NIPAL2: variants seen among roughly 807,000 people sequenced by gnomAD.
NIPAL2 encodes NIPA-like protein 2.
Under a neutral mutation model 48.9 loss-of-function variants are expected in NIPAL2, and 43 were observed. That is an observed-to-expected ratio of 0.88 (90% CI 0.69 to 1.13). The LOEUF (loss-of-function observed/expected upper bound fraction) is 1.13. Ranked by LOEUF, NIPAL2 falls within the 50% of genes most tolerant of loss-of-function variation. NIPAL2 has a pLI of 0.00. For synonymous variants in NIPAL2, 167 were observed against 174.6 expected, an observed-to-expected ratio of 0.96 and a Z score of 0.34; for missense variants, 446 against 461.4, an observed-to-expected ratio of 0.97 and a Z score of 0.31.
chr8:98,218,164 A>G (rs563614816), intron 5 of NIPAL2, among the ~76,000 whole-genome samples: 3 of 152,342 alleles, frequency 2.0e-5, no homozygotes, highest in Non-Finnish European at 2.9e-5. Flanking sequence ...TTTAATATAC[A>G]AAGGATTTAA....
At chr8:98,232,689 A>G (rs986130201) in intron 4 of NIPAL2, among the ~76,000 whole-genome samples, 1 of 152,180 alleles carries the variant, frequency 6.6e-6, no homozygotes, top group Non-Finnish European at 1.5e-5. Context: ...TTAAAAAAGA[A>G]AAAAGAGAAA....
chr8:98,256,458 C>T (rs150383362), intron 1 of NIPAL2, among the ~76,000 whole-genome samples: 1 of 152,192 alleles, frequency 6.6e-6, no homozygotes, highest in Non-Finnish European at 1.5e-5. Context: ...AATTCAACAA[C>T]AAAAACATCC....
chr8:98,223,630 A>G (rs748635428), intron 4 of NIPAL2, among the ~76,000 whole-genome samples: 4 of 152,214 alleles, frequency 2.6e-5, no homozygotes, highest in Non-Finnish European at 4.4e-5. Context: ...TGTTCCTCGT[A>G]TGCAAATGAC....
intron 5 of NIPAL2, among the ~76,000 whole-genome samples, chr8:98,215,614 C>G (rs536631056): frequency 1.3e-5 from 2 of 152,306 alleles, no homozygotes; most frequent in African/African-American, 4.8e-5. Context: ...AACTGAGGCT[C>G]AGAGGGGCTA....
At chr8:98,255,223 T>C (rs1813815666) in intron 1 of NIPAL2, among the ~76,000 whole-genome samples, 1 of 152,352 alleles carries the variant, frequency 6.6e-6, no homozygotes, top group East Asian at 1.9e-4. Context: ...TTATCATAGA[T>C]AGCTCATGTA....
At chr8:98,200,832 T>G (rs1810763861) in intron 8 of NIPAL2, among the ~76,000 whole-genome samples, 1 of 152,226 alleles carries the variant, frequency 6.6e-6, no homozygotes, top group Non-Finnish European at 1.5e-5. Context: ...TGTGAGATTA[T>G]ATCTCATTGT....
chr8:98,240,689 A>G (rs957467663), intron 3 of NIPAL2, among the ~76,000 whole-genome samples: 2 of 152,218 alleles, frequency 1.3e-5, no homozygotes, highest in African/African-American at 2.4e-5. Flanking sequence ...GCTAAGGCTG[A>G]TTCATGAGAA....
chr8:98,271,884 G>A (rs1458317687), intron 1 of NIPAL2, among the ~76,000 whole-genome samples: 1 of 141,850 alleles, frequency 7.0e-6, no homozygotes, highest in African/African-American at 2.6e-5. Context: ...TTTGTTGAGA[G>A]TTTTTTTTTT....
intron 1 of NIPAL2, among the ~76,000 whole-genome samples, chr8:98,290,231 A>C (rs1308713348): frequency 1.3e-5 from 2 of 152,180 alleles, no homozygotes; most frequent in East Asian, 3.8e-4. Flanking sequence ...CAGTCTCCTC[A>C]CTGTCCTCCT....
chr8:98,282,908 T>G (rs1214735950), intron 1 of NIPAL2, among the ~76,000 whole-genome samples: 1 of 152,248 alleles, frequency 6.6e-6, no homozygotes, highest in African/African-American at 2.4e-5. Flanking sequence ...AGCAGATTTT[T>G]AATTTGTTAT....
intron 3 of NIPAL2, among the ~76,000 whole-genome samples, chr8:98,250,186 G>A (rs1434070133): frequency 1.3e-5 from 2 of 152,102 alleles, no homozygotes; most frequent in African/African-American, 4.8e-5. Context: ...AATTTCCCAA[G>A]CAACACTGCA....
chr8:98,292,162 A>T (rs1414230841), intron 1 of NIPAL2, among the ~76,000 whole-genome samples: 1 of 152,206 alleles, frequency 6.6e-6, no homozygotes, highest in East Asian at 1.9e-4. Context: ...TGATTGTGGG[A>T]GTGACACATT....
At chr8:98,203,670 T>C (rs1349069786) in intron 7 of NIPAL2, among the ~76,000 whole-genome samples, 1 of 152,236 alleles carries the variant, frequency 6.6e-6, no homozygotes, top group East Asian at 1.9e-4. Flanking sequence ...GGAGCTCAGC[T>C]TCTCATTCTG....
At chr8:98,266,973 T>TAA (rs879592285) in intron 1 of NIPAL2, among the ~76,000 whole-genome samples, 1 of 145,370 alleles carries the variant, frequency 6.9e-6, no homozygotes, top group African/African-American at 2.5e-5. Context: ...ATGGTTCCTT[T>TAA]AAAAAAAAAA....
At chr8:98,197,135 C>T (rs1310945500) in intron 8 of NIPAL2, among the ~76,000 whole-genome samples, 3 of 148,816 alleles carry the variant, frequency 2.0e-5, no homozygotes, top group Non-Finnish European at 1.5e-5. Flanking sequence ...CTTCTTCGTA[C>T]AGGTGTATCT....
Position 98,280,761 on chromosome 8 carries a change from T to TATATATATAGAGAGAGAGAG in NIPAL2, c.135+13241_135+13242insCTCTCTCTCTCTATATATAT. Reference sequence around the variant, plus strand: ...CTATATATATATATATATATATATATAGAGAGAGAGAGAGAGAGAGAGAGA... The same window carrying TATATATATAGAGAGAGAGAG: ...CTATATATATATATATATATATATATATATATATAGAGAGAGAGAGAGAGAGAGAGAGAGAGAGAGAGAGA... On this transcript the variant is annotated intron_variant, in intron 1 of 10. Coordinates refer to ENST00000430223, the MANE Select transcript of NIPAL2 (RefSeq NM_001321635.2). 7.8e-3 allele frequency among the ~76,000 whole-genome samples: 234 copies of TATATATATAGAGAGAGAGAG among 29,978 alleles called. 7 individuals are homozygous for TATATATATAGAGAGAGAGAG. The highest frequency in any genetic ancestry group is 0.011 in the Non-Finnish European group (164 of 14,676). The allele number at this position is 29,978 out of a possible 152,430, so 19.7% of individuals were successfully genotyped here. A position where few individuals can be genotyped will look rare whatever the true frequency, so the allele number is the denominator to read the frequency against.
At chr8:98,281,091 T>C (rs566466158) in intron 1 of NIPAL2, among the ~76,000 whole-genome samples, 1 of 151,930 alleles carries the variant, frequency 6.6e-6, no homozygotes, top group Non-Finnish European at 1.5e-5. Flanking sequence ...AGACCGCATG[T>C]AGGCACTGCT....
At chr8:98,201,258 AACATCAGAGGG>A (rs1401312132) in intron 8 of NIPAL2, among the ~76,000 whole-genome samples, 6 of 152,162 alleles carry the variant, frequency 3.9e-5, no homozygotes, top group Admixed American at 3.9e-4. Flanking sequence ...ACTCACCAAT[AACATCAGAGGG>A]ACTCTTATGA....
intron 8 of NIPAL2, among the ~76,000 whole-genome samples, chr8:98,200,239 A>G (rs764929453): frequency 2.6e-5 from 4 of 152,210 alleles, no homozygotes; most frequent in Non-Finnish European, 4.4e-5. Context: ...TTTTGCAACC[A>G]ATTTCCAGAA....
Sources: gnomAD v4.1 joint callset for allele counts (sites outside exome capture counted in the v4.1 genomes callset) on GRCh38, gnomAD v4.1.1 for gene constraint, MANE v1.5 for transcripts, NCBI Gene and HGNC (gene_info 2026-07-23, HGNC 2026-07-21) for gene names.